The following CAST variants were observed in gnomAD, a reference collection of about 807,000 sequenced individuals.
CAST encodes calpastatin.
In CAST, 76 loss-of-function variants were observed where a neutral mutation model predicts 119.6. That is an observed-to-expected ratio of 0.64 (90% confidence interval 0.53 to 0.77). The LOEUF (loss-of-function observed/expected upper bound fraction) is 0.77. Among genes scored for constraint, CAST ranks in the 30% least tolerant of loss-of-function variants. The probability of loss-of-function intolerance (pLI) is 0.00; values close to 1 mark genes in which losing one functional copy is unlikely to be tolerated. For synonymous variants in CAST, 319 were observed against 331.6 expected (o/e 0.96, Z 0.41); for missense variants, 953 against 946.5 (o/e 1.01, Z -0.09).
chr5:96,033,109 TTAAC>T, the CAST span, among the ~76,000 whole-genome samples: 6 of 151,982 alleles, frequency 3.9e-5, no homozygotes, highest in Non-Finnish European at 8.8e-5. Context: ...AGGAATAAAT[TTAAC>T]TAAGGAGATG....
At chr5:96,695,266 A>G (rs953116264) in intron 2 of CAST, among the ~76,000 whole-genome samples, 5 of 152,310 alleles carry the variant, frequency 3.3e-5, no homozygotes, top group Non-Finnish European at 7.4e-5. Context: ...GAGAGGCTTT[A>G]TTCTTGAAGC....
the CAST span, among the ~76,000 whole-genome samples, chr5:96,486,816 C>G: frequency 6.6e-6 from 1 of 152,172 alleles, no homozygotes; most frequent in Non-Finnish European, 1.5e-5. Context: ...TCCTGATCCC[C>G]AGGTAGCCTC....
intron 3 of CAST, among the ~76,000 whole-genome samples, chr5:96,701,912 C>CA (rs1014703553): frequency 2.0e-5 from 3 of 151,440 alleles, no homozygotes; most frequent in African/African-American, 4.8e-5. Context: ...AAATAAAAGA[C>CA]AAAAAAAATA....
At chr5:96,060,081 A>C in the CAST span, among the ~76,000 whole-genome samples, 6 of 152,134 alleles carry the variant, frequency 3.9e-5, no homozygotes, top group African/African-American at 1.4e-4. Flanking sequence ...GAACAAATTA[A>C]CACAGCCTCA....
At chr5:96,328,373 TTCTCTCTCCCTCTCTCTCTCTCTCTCTC>T in the CAST span, among the ~76,000 whole-genome samples, 14 of 93,884 alleles carry the variant, frequency 1.5e-4, no homozygotes, top group South Asian at 1.3e-3. Context: ...CTGTCTTTCC[TTCTCTCTCCCTCTCTCTCTCTCTCTCTC>T]TCTCTCTCTC....
the CAST span, among the ~76,000 whole-genome samples, chr5:95,976,163 A>G: frequency 5.3e-5 from 8 of 151,194 alleles, no homozygotes; most frequent in Admixed American, 1.3e-4. Flanking sequence ...ATCAAAATCT[A>G]GATTCTCCAC....
At chr5:96,556,493 C>T (rs1016754946) in intron 1 of CAST, among the ~76,000 whole-genome samples, 2 of 152,080 alleles carry the variant, frequency 1.3e-5, no homozygotes, top group Non-Finnish European at 2.9e-5. Context: ...ACTAGAATAA[C>T]CAATGCAGAG....
At chr5:96,559,454 A>G (rs1403006724) in intron 1 of CAST, among the ~76,000 whole-genome samples, 1 of 152,176 alleles carries the variant, frequency 6.6e-6, no homozygotes, top group Non-Finnish European at 1.5e-5. Flanking sequence ...TATATCTAGA[A>G]AACCCCATCG....
the CAST span, among the ~76,000 whole-genome samples, chr5:96,065,827 C>T: frequency 6.6e-6 from 1 of 152,136 alleles, no homozygotes; most frequent in Non-Finnish European, 1.5e-5. Flanking sequence ...GCAATTAACC[C>T]ACAGATCCTT....
chr5:96,484,614 A>C, the CAST span, among the ~76,000 whole-genome samples: 1 of 152,160 alleles, frequency 6.6e-6, no homozygotes, highest in Non-Finnish European at 1.5e-5. Context: ...ATCTCGGTTT[A>C]CTAAATTCCC....
At chr5:96,747,478 A>T in intron 18 of CAST, 86 bp downstream of exon 18, 1 of 882,298 alleles carries the variant, frequency 1.1e-6, no homozygotes, top group Non-Finnish European at 1.9e-6. Flanking sequence ...TCTGGAATTC[A>T]CTGTGCAGAC....
intron 1 of CAST, among the ~76,000 whole-genome samples, chr5:96,628,872 G>C (rs1453754730): frequency 2.0e-5 from 3 of 152,086 alleles, no homozygotes; most frequent in East Asian, 3.9e-4. Flanking sequence ...GGGGCGGGGG[G>C]TCATAAAGGC....
chr5:96,236,537 C>G, the CAST span, among the ~76,000 whole-genome samples: 2 of 152,104 alleles, frequency 1.3e-5, no homozygotes, highest in Non-Finnish European at 1.5e-5. Flanking sequence ...TAGGCACTTC[C>G]GTGAATCCCG....
chr5:95,964,755 G>A, the CAST span, among the ~76,000 whole-genome samples: 3 of 152,218 alleles, frequency 2.0e-5, no homozygotes, highest in African/African-American at 7.2e-5. Flanking sequence ...AACATAACCA[G>A]GAGAGGCAGG....
intron 3 of CAST, among the ~76,000 whole-genome samples, chr5:96,696,954 A>T (rs1753370120): frequency 6.6e-6 from 1 of 152,148 alleles, no homozygotes; most frequent in African/African-American, 2.4e-5. Flanking sequence ...CGAGGTCAGA[A>T]GTTCAAGACC....
At chr5:96,170,611 A>G in the CAST span, among the ~76,000 whole-genome samples, 1 of 152,208 alleles carries the variant, frequency 6.6e-6, no homozygotes, top group Non-Finnish European at 1.5e-5. Flanking sequence ...CAAAGTGCAT[A>G]TTGAGACTAA....
chr5:96,708,757 CCT>C (rs1271891541), intron 3 of CAST, among the ~76,000 whole-genome samples: 2 of 152,178 alleles, frequency 1.3e-5, no homozygotes, highest in Non-Finnish European at 2.9e-5. Flanking sequence ...TCCTTCTTCA[CCT>C]CTATTTCTTT....
At chr5:96,354,258 A>G in the CAST span, among the ~76,000 whole-genome samples, 2 of 152,212 alleles carry the variant, frequency 1.3e-5, no homozygotes, top group Non-Finnish European at 2.9e-5. Flanking sequence ...CAGGATTTTT[A>G]AAAACTTTTA....
chr5:96,740,069 TG>T lies in CAST; in HGVS notation c.833del (p.Gly278ValfsTer32). The stretch of plus-strand genomic sequence containing the variant: ...ATGAGTTCCACCTACATAGAGGAAT[TG>T]GGTAAAAGAGAAGTCACAATTCCTC... ...DPMSSTYIEE[L>X]GKREVTIPPK... On this transcript the variant is annotated frameshift_variant, in exon 12 of 32. Transcript: ENST00000675179. LOFTEE classifies it high-confidence loss of function. The T allele has an allele frequency of 6.3e-7, 1 of 1,581,968 alleles. No homozygotes were observed. The highest frequency in any genetic ancestry group is 8.6e-7 in the Non-Finnish European group (1 of 1,156,626).
Sources: allele counts gnomAD v4.1 joint callset (sites outside exome capture counted in the v4.1 genomes callset), GRCh38; gene constraint gnomAD v4.1.1; transcripts MANE v1.5; gene names NCBI Gene and HGNC (gene_info 2026-07-23, HGNC 2026-07-21).